The following GLT1D1 variants were observed in gnomAD, a reference collection of about 807,000 sequenced individuals.
GLT1D1 encodes the protein glycosyltransferase 1 domain-containing protein 1.
Under a neutral mutation model 28.7 loss-of-function variants are expected in GLT1D1, and 21 were observed. That is an observed-to-expected ratio of 0.73 (90% confidence interval 0.52 to 1.05). The LOEUF is 1.05. GLT1D1 is among the 50% of genes least tolerant of loss of function. The pLI is 0.00. For synonymous variants in GLT1D1, 147 were observed against 124.8 expected (o/e 1.18, Z -1.19); for missense variants, 343 against 330.6 (o/e 1.04, Z -0.29).
chr12:128,897,755 G>A (rs954775641), intron 3 of GLT1D1, among the ~76,000 whole-genome samples: 5 of 151,726 alleles, frequency 3.3e-5, no homozygotes, highest in South Asian at 2.1e-4. Context: ...TGCAAGCTCC[G>A]CCTCCCGGGT....
chr12:128,933,291 G>A (rs1315007978), intron 4 of GLT1D1, among the ~76,000 whole-genome samples: 2 of 152,280 alleles, frequency 1.3e-5, no homozygotes, highest in Admixed American at 6.5e-5. Context: ...GCGCCCGTGC[G>A]CAGGCGGAGC....
Position 128,877,622 on chromosome 12 carries a change from C to A in GLT1D1, c.217+1560C>A, listed in dbSNP as rs569742681. ...TATAGTATGAAAAGTAAGCCTGTCT[C>A]CCACCTCTTATCCCCACTGTATTAT... On this transcript the variant is annotated intron_variant, in intron 2 of 7. Transcript: ENST00000281703. Among the ~76,000 whole-genome samples the A allele has an allele frequency of 5.9e-5, 9 of 152,276 alleles. No individual in the cohort carries two copies. The South Asian group carries it at 1.5e-3, about 25-fold the overall frequency.
Position 128,945,091 on chromosome 12 carries a change from C to T in GLT1D1, c.376-235C>T, listed in dbSNP as rs1284060574. ...CAGCATGTTGTCCCGGAGCAGGTCC[C>T]CGCTGGAAAGGTGCTTTAGCTCGAA... On this transcript the variant is annotated intron_variant, in intron 4 of 7. Transcript: ENST00000281703. 4 of 688,124 alleles carry T rather than the reference C, an allele frequency of 5.8e-6. No homozygotes were observed. The Admixed American group carries it at 7.3e-5, about 13-fold the overall frequency. The allele number at this position is 688,124 out of a possible 1,614,324, so 42.6% of individuals were successfully genotyped here.
intron 4 of GLT1D1, among the ~76,000 whole-genome samples, chr12:128,928,835 TG>T (rs1435144889): frequency 1.3e-5 from 2 of 152,052 alleles, no homozygotes; most frequent in Non-Finnish European, 2.9e-5. Flanking sequence ...TTGGGCAGGC[TG>T]GTCTCAAACT....
At position 128,982,627 on chromosome 12, in the gene GLT1D1, G is replaced by T. The variant is rs184409355; in HGVS notation, c.640-302G>T. On this transcript the variant is annotated intron_variant, in intron 7 of 7. Transcript: ENST00000281703. ...GCTGGTCTTGTTGATTGAGGGAAGG[G>T]AGTTGATGGCTCCAGTATTTTTCGT... Among the ~76,000 whole-genome samples the T allele has an allele frequency of 1.6e-4, 25 of 152,250 alleles. 1 individual carries two copies. The highest frequency in any genetic ancestry group is 1.2e-3 in the South Asian group (6 of 4,822).
At position 128,983,007 on chromosome 12, in the gene GLT1D1, G is replaced by A. The variant is rs145605197; in HGVS notation, c.718G>A (p.Val240Met). 8.1e-6 allele frequency: 13 copies of A among 1,613,664 alleles called. No individual in the cohort carries two copies. Among genetic ancestry groups the A allele is most frequent in the Admixed American group, 3.3e-5 (2 of 60,004 alleles). ...AATCGTAGTGAACGGAAGGGAATAC[G>A]TGAGAATGTATCATTCATGGCAGGT... Residue 240 changes from valine (V) to methionine (M), a missense_variant, in exon 8 of 8, where the codon GTG becomes ATG. Coordinates refer to ENST00000281703, the MANE Select transcript of GLT1D1 (RefSeq NM_144669.3). The surrounding 1 kb of genome is among the most constrained non-coding windows in gnomAD (Gnocchi z 4.7).
chr12:128,971,413 CCCTCCTCCCTTCCTCT>C (rs1251938324), intron 7 of GLT1D1, among the ~76,000 whole-genome samples: 1 of 140,558 alleles, frequency 7.1e-6, no homozygotes, highest in Non-Finnish European at 1.5e-5. Flanking sequence ...CTCCCTTCTT[CCCTCCTCCCTTCCTCT>C]CCTCCTCCCT....
At chr12:128,922,022 T>C (rs1872706418) in intron 4 of GLT1D1, among the ~76,000 whole-genome samples, 1 of 152,198 alleles carries the variant, frequency 6.6e-6, no homozygotes, top group Non-Finnish European at 1.5e-5. Context: ...TCTTCCCCCT[T>C]CTGTGTATAT....
chr12:128,933,982 G>T (rs997474982), intron 4 of GLT1D1, among the ~76,000 whole-genome samples: 1 of 152,092 alleles, frequency 6.6e-6, no homozygotes, highest in Non-Finnish European at 1.5e-5. Context: ...GCATACAACA[G>T]ATTTAACACC....
chr12:128,969,176 GTC>G (rs1878784642), intron 7 of GLT1D1, among the ~76,000 whole-genome samples: 1 of 144,406 alleles, frequency 6.9e-6, no homozygotes, highest in Admixed American at 6.7e-5. Context: ...CTCTTCCTCT[GTC>G]TCTGTTTCTG....
intron 7 of GLT1D1, among the ~76,000 whole-genome samples, chr12:128,979,026 C>T (rs1880068552): frequency 6.6e-6 from 1 of 152,170 alleles, no homozygotes; most frequent in South Asian, 2.1e-4. Flanking sequence ...TTGTGCCGAC[C>T]TCCTATCTCA....
intron 7 of GLT1D1, among the ~76,000 whole-genome samples, chr12:128,964,787 G>A (rs1198396986): frequency 6.6e-6 from 1 of 152,200 alleles, no homozygotes; most frequent in Non-Finnish European, 1.5e-5. Flanking sequence ...GTTTACCTGT[G>A]CAGGGTGAGG....
intron 7 of GLT1D1, among the ~76,000 whole-genome samples, chr12:128,959,567 G>A (rs995371077): frequency 1.3e-5 from 2 of 151,998 alleles, no homozygotes; most frequent in South Asian, 2.1e-4. Context: ...CCTGGGAAGC[G>A]GAGGGAAATA....
At chr12:128,958,280 C>T (rs2135516454) in intron 7 of GLT1D1, among the ~76,000 whole-genome samples, 2 of 152,308 alleles carry the variant, frequency 1.3e-5, no homozygotes, top group South Asian at 2.1e-4. Context: ...GAGAGTGACC[C>T]TGGCCGAGTC....
chr12:128,912,786 C>A (rs1473240311), intron 4 of GLT1D1, among the ~76,000 whole-genome samples: 1 of 152,028 alleles, frequency 6.6e-6, no homozygotes, highest in Non-Finnish European at 1.5e-5. Flanking sequence ...CCTCAGCCCC[C>A]CCAGTAGCTG....
intron 7 of GLT1D1, among the ~76,000 whole-genome samples, chr12:128,976,756 CTTCTCG>C (rs1263520210): frequency 1.3e-5 from 2 of 152,214 alleles, no homozygotes; most frequent in African/African-American, 4.8e-5. Flanking sequence ...AAGGCTTTTG[CTTCTCG>C]TGGAGGAGTT....
At chr12:128,910,902 C>A (rs1287514636) in intron 4 of GLT1D1, among the ~76,000 whole-genome samples, 1 of 152,092 alleles carries the variant, frequency 6.6e-6, no homozygotes, top group Non-Finnish European at 1.5e-5. Context: ...CAACACCATA[C>A]CGAGCCTCGT....
chr12:128,970,302 C>T (rs1353914869), intron 7 of GLT1D1, among the ~76,000 whole-genome samples: 4 of 152,190 alleles, frequency 2.6e-5, no homozygotes, highest in African/African-American at 4.8e-5. Flanking sequence ...TCCTGGGCTC[C>T]CAAGCCCGCC....
chr12:128,863,931 G>A (rs1236142874), intron 1 of GLT1D1, among the ~76,000 whole-genome samples: 2 of 121,550 alleles, frequency 1.6e-5, no homozygotes, highest in East Asian at 2.4e-4. Context: ...GGGCGACAGA[G>A]CAAGACTCCA....
Sources: allele counts gnomAD v4.1 joint callset (sites outside exome capture counted in the v4.1 genomes callset), GRCh38; gene constraint gnomAD v4.1.1; non-coding constraint Gnocchi (gnomAD v3.1); transcripts MANE v1.5; gene names NCBI Gene and HGNC (gene_info 2026-07-23, HGNC 2026-07-21).